POMT2: variants seen among roughly 807,000 people sequenced by gnomAD.
POMT2 encodes protein O-mannosyl-transferase 2.
A neutral mutation model predicts 100.0 loss-of-function variants in POMT2; 75 were observed. The ratio of observed to expected loss-of-function variants is 0.75; its 90% CI spans 0.62 to 0.91. The LOEUF is 0.91. POMT2 is among the 40% of genes least tolerant of loss of function. POMT2 has a pLI of 0.00. For synonymous variants in POMT2, 378 were observed against 374.1 expected (o/e 1.01, Z -0.12); for missense variants, 940 against 955.1 (o/e 0.98, Z 0.21).
Position 77,276,910 on chromosome 14 carries a change from A to G in POMT2, c.*466T>C. On this transcript the variant is annotated 3_prime_UTR_variant, in exon 21 of 21. Coordinates refer to ENST00000261534, the MANE Select transcript of POMT2 (RefSeq NM_013382.7). ...TTCTCTGCCCTCAAGGCCCTCTCAG[A>G]GGTCTGAGAATTTTTGATGGATCTT... The G allele has an allele frequency of 5.5e-6, 1 of 180,898 alleles. No homozygotes were observed. Among genetic ancestry groups the G allele is most frequent in the Non-Finnish European group, 1.2e-5 (1 of 83,548 alleles). 11.2% of individuals were successfully genotyped at this position (180,898 alleles called of 1,614,324 possible). A position where few individuals can be genotyped will look rare whatever the true frequency, so the allele number is the denominator to read the frequency against.
chr14:77,303,522 C>T (rs997739874), intron 4 of POMT2, among the ~76,000 whole-genome samples: 2 of 152,108 alleles, frequency 1.3e-5, no homozygotes, highest in Admixed American at 6.5e-5. Flanking sequence ...CTCCCAACAC[C>T]CTCTGCCTCA....
At chr14:77,294,830 T>C (rs548512078) in intron 9 of POMT2, among the ~76,000 whole-genome samples, 116 of 152,316 alleles carry the variant, frequency 7.6e-4, no homozygotes, top group Non-Finnish European at 1.3e-3. Flanking sequence ...CACTAATACA[T>C]ACTGAGTCAC....
At chr14:77,300,702 C>T (rs1890999576) in intron 6 of POMT2, 1 of 275,144 alleles carries the variant, frequency 3.6e-6, no homozygotes, top group South Asian at 3.6e-5. Context: ...TGCCTGTAAT[C>T]CCAGCTACTT....
rs1890365510 is a variant in POMT2, at chr14:77,284,967, T to C, written c.1559A>G (p.Asp520Gly). The change falls in exon 14 of 21, where the codon GAC becomes GGC. Residue 520 changes from aspartate to glycine, a missense_variant. By Grantham distance (94) the Asp-to-Gly change is moderately conservative (BLOSUM62 -1). Transcript: ENST00000261534. ...ETLNSIWNVEDHINPKLPNIS... is the reference protein window; with the variant it reads ...ETLNSIWNVEGHINPKLPNIS... Reference sequence around the variant, plus strand: ...TCACTCACACTTGGGATTGATATGGTCCTCCACATTCCAGATGGAGTTGAG... The same window carrying C: ...TCACTCACACTTGGGATTGATATGGCCCTCCACATTCCAGATGGAGTTGAG... The C allele has an allele frequency of 6.2e-7, 1 of 1,611,124 alleles. No individual in the cohort carries two copies.
intron 12 of POMT2, among the ~76,000 whole-genome samples, chr14:77,285,970 C>T (rs1175373806): frequency 6.6e-6 from 1 of 152,200 alleles, no homozygotes; most frequent in Non-Finnish European, 1.5e-5. Flanking sequence ...TCTGAGCCAA[C>T]AGAAACAGAT....
chr14:77,288,637 T>G, intron 11 of POMT2, 125 bp downstream of exon 11: 1 of 806,812 alleles, frequency 1.2e-6, no homozygotes, highest in Non-Finnish European at 2.1e-6. Flanking sequence ...TCTCCCATTC[T>G]CGCACTGTGG....
chr14:77,299,593 C>T, intron 6 of POMT2, 32 bp from the exon 7 acceptor site: 1 of 1,493,246 alleles, frequency 6.7e-7, no homozygotes, highest in East Asian at 2.3e-5. Flanking sequence ...GGGTGCTAGG[C>T]ATGTGAGACC....
At chr14:77,291,244 G>T in intron 10 of POMT2, 70 bp downstream of exon 10, 1 of 1,457,954 alleles carries the variant, frequency 6.9e-7, no homozygotes, top group Non-Finnish European at 9.5e-7. Flanking sequence ...TCTTTTGCAG[G>T]CATGAGAAAT....
chr14:77,314,472 TAATA>T (rs1891556273), intron 1 of POMT2, among the ~76,000 whole-genome samples: 1 of 152,216 alleles, frequency 6.6e-6, no homozygotes, highest in Non-Finnish European at 1.5e-5. Flanking sequence ...ACTTATTAGC[TAATA>T]AGTAGGCTAA....
Position 77,320,435 on chromosome 14 carries a change from A to C in POMT2, c.247T>G (p.Cys83Gly). ...CGCCGAGTCCCTCCCATCACTCACC[A>C]GATGTGCGGCGGCTCGTCCAAGCGG... The part of the protein sequence containing the change: ...FHRLDEPPHI[C>G]WDETHFGKMG... Residue 83 changes from cysteine (C) to glycine (G), a missense_variant and splice_region_variant, in exon 1 of 21, where the codon TGT (cysteine) becomes GGT (glycine). Transcript: ENST00000261534. 1 of 1,546,596 alleles carries C rather than the reference A, an allele frequency of 6.5e-7. No homozygotes were observed. The highest frequency in any genetic ancestry group is 8.7e-7 in the Non-Finnish European group (1 of 1,146,848).
Position 77,277,490 on chromosome 14 carries a change from G to C in POMT2, c.2148-9C>G, listed in dbSNP as rs1890014512. Reference sequence around the variant, plus strand: ...GGTGGAAGAGGTAGAAGCTGTGAGAGAGAACCAGTAGGAGGCAGTTGGCAC... The same window carrying C: ...GGTGGAAGAGGTAGAAGCTGTGAGACAGAACCAGTAGGAGGCAGTTGGCAC... On this transcript the variant is annotated splice_polypyrimidine_tract_variant and intron_variant, in intron 20 of 20. Transcript: ENST00000261534. 1 of 1,601,304 alleles carries C rather than the reference G, an allele frequency of 6.2e-7. No homozygotes were observed.
intron 1 of POMT2, among the ~76,000 whole-genome samples, chr14:77,318,282 A>G (rs1349372659): frequency 6.6e-6 from 1 of 152,196 alleles, no homozygotes; most frequent in East Asian, 1.9e-4. Context: ...TGAGTTTGTC[A>G]TCTCACTATG....
rs181520065 is a variant in POMT2 at position 77,276,539 on chromosome 14, G to A, written c.*837C>T. 1 of 152,398 alleles carries A rather than the reference G, an allele frequency of 6.6e-6. No homozygotes were observed. Among genetic ancestry groups the A allele is most frequent in the South Asian group, 2.1e-4 (1 of 4,838 alleles). 9.4% of individuals were successfully genotyped at this position (152,398 alleles called of 1,614,324 possible). A position where few individuals can be genotyped will look rare whatever the true frequency, so the allele number is the denominator to read the frequency against. On this transcript the variant is annotated 3_prime_UTR_variant, in exon 21 of 21. Transcript: ENST00000261534. ...CTGCCTTGCCCTCCAGGCCAGGCTA[G>A]ATGCACTTGGAGAGACCTGGCCTCT...
intron 6 of POMT2, chr14:77,299,932 A>C: frequency 3.2e-6 from 1 of 313,254 alleles, no homozygotes; most frequent in Non-Finnish European, 6.3e-6. Flanking sequence ...AGCCCAACCC[A>C]TCACATGGCT....
chr14:77,320,207 G>C (rs1594812016), intron 1 of POMT2: 2 of 701,844 alleles, frequency 2.8e-6, no homozygotes, highest in East Asian at 5.5e-5. Flanking sequence ...AGACATGAGG[G>C]CTGCTTCCTC....
chr14:77,288,680 CTAACTTCTGT>C, intron 11 of POMT2, 72 bp downstream of exon 11: 2 of 1,252,016 alleles, frequency 1.6e-6, no homozygotes. Context: ...TCATCAAAAT[CTAACTTCTGT>C]TTACTTCTTA....
chr14:77,276,088 G>T lies in POMT2; in HGVS notation c.*1288C>A, dbSNP rs910642025. The T allele has an allele frequency of 6.6e-6, 1 of 152,534 alleles. No homozygotes were observed. Among genetic ancestry groups the T allele is most frequent in the African/African-American group, 2.4e-5 (1 of 41,462 alleles). The allele number at this position is 152,534 out of a possible 1,614,324, so 9.4% of individuals were successfully genotyped here. A position where few individuals can be genotyped will look rare whatever the true frequency, so the allele number is the denominator to read the frequency against. The stretch of plus-strand genomic sequence containing the variant: ...AGCATCAAAGTCCTCTGAGACAAAA[G>T]AAATATTTTGTCATGCACCAGGAAG... On this transcript the variant is annotated 3_prime_UTR_variant, in exon 21 of 21. Coordinates refer to ENST00000261534, the MANE Select transcript of POMT2 (RefSeq NM_013382.7).
chr14:77,298,301 A>C (rs1162600507), intron 8 of POMT2, among the ~76,000 whole-genome samples: 1 of 152,172 alleles, frequency 6.6e-6, no homozygotes, highest in African/African-American at 2.4e-5. Context: ...ACCAGGCTCC[A>C]TCTCTGGAGG....
chr14:77,277,391 G>A lies in POMT2; in HGVS notation c.2238C>T (p.Asp746=). The change falls in exon 21 of 21, where the codon GAC becomes GAT. Residue 746 remains aspartate (D), a synonymous_variant. Transcript: ENST00000261534. Reference sequence around the variant, plus strand: ...TGCAGTGGCCTCAAAAGTCCCATGAGTCCAGCCACCTTAGTCCTGCCATTG... The same window carrying A: ...TGCAGTGGCCTCAAAAGTCCCATGAATCCAGCCACCTTAGTCCTGCCATTG... ...QSPMAGLRWL[D]SWDF 1 of 1,613,232 alleles carries A rather than the reference G, an allele frequency of 6.2e-7. No homozygotes were observed.
Sources: gnomAD v4.1 joint callset for allele counts (sites outside exome capture counted in the v4.1 genomes callset) on GRCh38, gnomAD v4.1.1 for gene constraint, MANE v1.5 for transcripts, NCBI Gene and HGNC (gene_info 2026-07-23, HGNC 2026-07-21) for gene names.